The following CCAR1 variants were observed in gnomAD, a reference collection of about 807,000 sequenced individuals.
CCAR1 encodes the protein cell division cycle and apoptosis regulator protein 1.
CCAR1 carries 78 observed loss-of-function variants against 163.8 expected under a neutral mutation model. That is an observed-to-expected ratio of 0.48 (90% CI 0.40 to 0.57). The LOEUF is 0.57. Ranked by LOEUF, CCAR1 falls within the 20% of genes least tolerant of loss-of-function variation. The pLI is 0.00. For synonymous variants in CCAR1, 443 were observed against 460.7 expected (o/e 0.96, Z 0.49); for missense variants, 1,019 against 1,365.2 (o/e 0.75, Z 4.00).
At position 68,788,179 on chromosome 10, in the gene CCAR1, A is replaced by G; in HGVS notation, c.3038A>G (p.Gln1013Arg). 1 of 1,589,664 alleles carries G rather than the reference A, an allele frequency of 6.3e-7. No homozygotes were observed. Among genetic ancestry groups the G allele is most frequent in the Non-Finnish European group, 8.5e-7 (1 of 1,171,762 alleles). Reference protein sequence around the residue: ...RLLLPTPTVKQESKDVEENVG... With the variant: ...RLLLPTPTVKRESKDVEENVG... ...TTACTTCCAACACCAACAGTAAAGC[A>G]GGAATCAAAGGATGTGGAAGAAAAT... is the stretch of plus-strand genomic sequence containing the variant. Residue 1013 changes from glutamine (Q) to arginine (R), a missense_variant, in exon 23 of 25, where the codon CAG becomes CGG. Around this residue, in one of 4 missense-constraint regions of CCAR1, gnomAD observed 358 missense variants for 406.4 expected, o/e 0.88. Coordinates refer to ENST00000265872, the MANE Select transcript of CCAR1 (RefSeq NM_018237.4).
chr10:68,772,071 G>T (rs1303408449), intron 18 of CCAR1, among the ~76,000 whole-genome samples: 2 of 151,662 alleles, frequency 1.3e-5, no homozygotes, highest in African/African-American at 4.8e-5. Context: ...TTTTTTTGAG[G>T]CAGGTTTTCA....
chr10:68,751,024 T>G (rs944411625), intron 10 of CCAR1, among the ~76,000 whole-genome samples: 1 of 149,366 alleles, frequency 6.7e-6, no homozygotes, highest in East Asian at 1.9e-4. Flanking sequence ...TACTTTTTTT[T>G]TTGTTTTTGT....
At chr10:68,770,446 G>C (rs571516230) in intron 17 of CCAR1, among the ~76,000 whole-genome samples, 2 of 152,286 alleles carry the variant, frequency 1.3e-5, no homozygotes, top group South Asian at 4.1e-4. Flanking sequence ...TTATCATGAA[G>C]ATTAACGGTT....
In CCAR1 at chr10:68,721,266, G is replaced by C. The variant is rs190904870; in HGVS notation, c.-67G>C. The C allele has an allele frequency of 8.9e-5, 16 of 178,906 alleles. No individual in the cohort carries two copies. In the East Asian group the frequency reaches 1.1e-3, roughly 13 times the overall value. The allele number at this position is 178,906 out of a possible 1,614,324, so 11.1% of individuals were successfully genotyped here. A position where few individuals can be genotyped will look rare whatever the true frequency, so the allele number is the denominator to read the frequency against. On this transcript the variant is annotated 5_prime_UTR_variant, in exon 1 of 25. Coordinates refer to ENST00000265872, the MANE Select transcript of CCAR1 (RefSeq NM_018237.4). ...CGGGTTTGAAATGGCTTCGATGTTA[G>C]CCGGGACCCGACTCAGGTGAAGGTC...
chr10:68,754,965 A>G (rs1307718276), intron 12 of CCAR1, 138 bp downstream of exon 12: 1 of 606,732 alleles, frequency 1.6e-6, no homozygotes, highest in African/African-American at 1.8e-5. Context: ...CCCAGAATTT[A>G]ATGATGTAGA....
chr10:68,754,188 G>A (rs1782316), intron 11 of CCAR1, 111 bp downstream of exon 11: 81 of 673,942 alleles, frequency 1.2e-4, no homozygotes, highest in Non-Finnish European at 1.9e-4. Context: ...CCGAATACCT[G>A]TTTTCTTCTT....
chr10:68,774,630 C>CA (rs767640848), intron 19 of CCAR1, among the ~76,000 whole-genome samples: 2,280 of 104,748 alleles, frequency 0.022, 37 homozygotes, highest in African/African-American at 0.064. Flanking sequence ...AACTCCATCT[C>CA]AAAAAAAAAA....
rs1172778122 is a variant in CCAR1 at position 68,768,244 on chromosome 10, T to C, written c.2298+2165T>C. On this transcript the variant is annotated intron_variant, in intron 17 of 24. Transcript: ENST00000265872. ...TGTCCAAGTTGTTGGGATTTTTTTT[T>C]CCAATGTTAATTATTCCAATAAGCA... is the stretch of plus-strand genomic sequence containing the variant. 3.3e-5 allele frequency among the ~76,000 whole-genome samples: 5 copies of C among 152,306 alleles called. No homozygotes were observed. The East Asian group carries it at 5.8e-4, about 18-fold the overall frequency.
At chr10:68,733,346 G>A (rs1013839551) in intron 2 of CCAR1, among the ~76,000 whole-genome samples, 4 of 152,136 alleles carry the variant, frequency 2.6e-5, no homozygotes, top group Non-Finnish European at 5.9e-5. Context: ...GGGAGGTTGA[G>A]GTTGCAGTGA....
At chr10:68,759,450 G>A (rs1392261053) in intron 15 of CCAR1, 3 of 153,858 alleles carry the variant, frequency 1.9e-5, no homozygotes, top group African/African-American at 7.2e-5. Flanking sequence ...GGTTGCAGCT[G>A]GGCACAATGC....
chr10:68,754,872 T>G lies in CCAR1; in HGVS notation c.1458+45T>G, dbSNP rs774567318. The G allele has an allele frequency of 4.7e-6, 5 of 1,060,388 alleles. No individual in the cohort carries two copies. In the East Asian group the frequency reaches 1.2e-4, roughly 25 times the overall value. 65.7% of individuals were successfully genotyped at this position (1,060,388 alleles called of 1,614,324 possible). A position where few individuals can be genotyped will look rare whatever the true frequency, so the allele number is the denominator to read the frequency against. On this transcript the variant is annotated intron_variant, in intron 12 of 24. Transcript: ENST00000265872. Reference sequence around the variant, plus strand: ...TTAACTTTAGATGTATTCACTTTGCTTAGCTGTAACTTTGTACACATAAAA... The same window carrying G: ...TTAACTTTAGATGTATTCACTTTGCGTAGCTGTAACTTTGTACACATAAAA...
chr10:68,755,058 C>T (rs1468752482), intron 12 of CCAR1: 1 of 599,808 alleles, frequency 1.7e-6, no homozygotes, highest in African/African-American at 1.9e-5. Flanking sequence ...ATATTTGTAA[C>T]ATAGTAGAAT....
chr10:68,789,390 G>C (rs1030903477), intron 23 of CCAR1, among the ~76,000 whole-genome samples: 2 of 151,306 alleles, frequency 1.3e-5, no homozygotes, highest in Non-Finnish European at 2.9e-5. Flanking sequence ...TCAGGAGTTC[G>C]AGACCAGCCT....
intron 8 of CCAR1, 83 bp downstream of exon 8, chr10:68,747,649 A>G (rs1177239696): frequency 8.6e-6 from 11 of 1,281,146 alleles, no homozygotes; most frequent in African/African-American, 7.4e-5. Context: ...AAAAAAAGGC[A>G]GGGATTTCAA....
intron 19 of CCAR1, among the ~76,000 whole-genome samples, chr10:68,783,771 T>C (rs891799659): frequency 6.6e-6 from 1 of 152,044 alleles, no homozygotes; most frequent in African/African-American, 2.4e-5. Context: ...TGCTTTTTTT[T>C]TTTGAAGATG....
chr10:68,760,467 T>G (rs188489699), intron 15 of CCAR1, among the ~76,000 whole-genome samples: 4 of 152,210 alleles, frequency 2.6e-5, no homozygotes, highest in African/African-American at 9.6e-5. Context: ...TTTAAAAAAA[T>G]TTTTATGCAT....
rs2056303679 is a variant in CCAR1, at chr10:68,749,521, C to T, written c.957-3C>T. The stretch of plus-strand genomic sequence containing the variant: ...TAGTAATTTTAGAAAAATTTGCTTT[C>T]AGTCGTGAGAGAGAGAGAGAAAGAC... On this transcript the variant is annotated splice_region_variant and splice_polypyrimidine_tract_variant and intron_variant, in intron 9 of 24. Coordinates refer to ENST00000265872, the MANE Select transcript of CCAR1 (RefSeq NM_018237.4). The T allele has an allele frequency of 3.7e-6, 6 of 1,603,712 alleles. No homozygotes were observed. The highest frequency in any genetic ancestry group is 1.1e-5 in the South Asian group (1 of 89,306).
chr10:68,728,600 G>A (rs1251177059), intron 2 of CCAR1, among the ~76,000 whole-genome samples: 1 of 152,088 alleles, frequency 6.6e-6, no homozygotes, highest in East Asian at 1.9e-4. Context: ...CATCTGTTAG[G>A]ACATTATAGA....
At chr10:68,748,047 T>A (rs1171782201) in intron 8 of CCAR1, among the ~76,000 whole-genome samples, 2 of 151,994 alleles carry the variant, frequency 1.3e-5, no homozygotes, top group African/African-American at 4.8e-5. Context: ...AGATACAGGG[T>A]TTCACCACGT....
Sources: allele counts gnomAD v4.1 joint callset (sites outside exome capture counted in the v4.1 genomes callset), GRCh38; gene constraint gnomAD v4.1.1; regional missense constraint gnomAD v4.1.1; transcripts MANE v1.5; gene names NCBI Gene and HGNC (gene_info 2026-07-23, HGNC 2026-07-21).